Variants in CGGBP1 observed in about 807,000 individuals in gnomAD.
CGGBP1 encodes CGG triplet repeat binding protein 1, also known as CGG triplet repeat-binding protein 1.
CGGBP1 carries 4 observed loss-of-function variants against 11.4 expected under a neutral mutation model. The observed-to-expected ratio is 0.35, with a 90% CI of 0.17 to 0.80. CGGBP1 has a LOEUF of 0.80. CGGBP1 is among the 30% of genes least tolerant of loss of function. The probability of loss-of-function intolerance (pLI) is 0.52; values close to 1 mark genes in which losing one functional copy is unlikely to be tolerated. For missense variants in CGGBP1, 135 were observed against 202.1 expected (o/e 0.67, Z 2.01); for synonymous variants, 76 against 74.1 (o/e 1.03, Z -0.13).
chr3:88,062,170 T>C (rs770261714), upstream of CGGBP1, among the ~76,000 whole-genome samples: 85 of 152,334 alleles, frequency 5.6e-4, no homozygotes, highest in Non-Finnish European at 1.1e-3. Context: ...TAACTGATAC[T>C]TAATTTGCTT....
rs549124663 is a variant in CGGBP1 at position 88,066,980 on chromosome 3, GTTGAATTGT to G, written c.-228-8766_-228-8758del. Among the ~76,000 whole-genome samples the G allele has an allele frequency of 8.3e-3, 1,259 of 152,280 alleles. 10 individuals are homozygous for G. The highest frequency in any genetic ancestry group is 0.029 in the African/African-American group (1,218 of 41,552). ...TATGGCAAACTAAATTTGGGAGGAG[GTTGAATTGT>G]ATAATTTATGAAATCCTAAAGTCTA... is the stretch of plus-strand genomic sequence containing the variant. On this transcript the variant is annotated intron_variant, in intron 2 of 3. Coordinates refer to the CGGBP1 transcript ENST00000462901.
intron 2 of CGGBP1, among the ~76,000 whole-genome samples, chr3:88,066,646 G>A (rs1219515940): frequency 6.6e-6 from 1 of 151,726 alleles, no homozygotes; most frequent in African/African-American, 2.4e-5. Context: ...ATATTTAAAT[G>A]GAGTCATTGC....
chr3:88,126,282 A>T (rs1706092170), intron 2 of CGGBP1: 14 of 1,463,180 alleles, frequency 9.6e-6, no homozygotes, highest in Non-Finnish European at 1.2e-5. Context: ...ACTTCAGGAG[A>T]TTCAAAATCA....
chr3:88,073,973 A>G (rs1448256617), intron 2 of CGGBP1, among the ~76,000 whole-genome samples: 1 of 152,124 alleles, frequency 6.6e-6, no homozygotes, highest in Non-Finnish European at 1.5e-5. Flanking sequence ...TGAGAAAGCT[A>G]ATTAACCTGT....
rs547051642 is a variant in CGGBP1, at chr3:88,124,268, C to A, written c.-229+16702G>T. On this transcript the variant is annotated intron_variant, in intron 2 of 3. Transcript: ENST00000462901. ...AGTAGGTGTTTTAGTATCCATTTTA[C>A]AGAGGAATTGACTGATAGAGCAGAG... Among the ~76,000 whole-genome samples, 14 of 152,302 alleles carry A rather than the reference C, an allele frequency of 9.2e-5. No homozygotes were observed. The East Asian group carries it at 2.7e-3, about 29-fold the overall frequency.
At chr3:88,139,642 T>C (rs1281000520) in intron 2 of CGGBP1, 5 of 1,612,736 alleles carry the variant, frequency 3.1e-6, no homozygotes, top group Non-Finnish European at 4.2e-6. Flanking sequence ...CCTGAGCATG[T>C]GGCTGAATTC....
chr3:88,053,229 T>C lies in CGGBP1; in HGVS notation c.*2244A>G, dbSNP rs1374642908. ...CAGTTCGAGCAGGCTAAAACAATCA[T>C]TCTGCTGTATTTATTTAACTTTAGA... On this transcript the variant is annotated 3_prime_UTR_variant, in exon 4 of 4. Coordinates refer to ENST00000482016, the MANE Select transcript of CGGBP1 (RefSeq NM_001008390.2). 3 of 152,140 alleles carry C rather than the reference T, an allele frequency of 2.0e-5. No homozygotes were observed. In the East Asian group the frequency reaches 5.8e-4, roughly 29 times the overall value. 9.4% of individuals were successfully genotyped at this position (152,140 alleles called of 1,614,324 possible). A position where few individuals can be genotyped will look rare whatever the true frequency, so the allele number is the denominator to read the frequency against.
intron 1 of CGGBP1, among the ~76,000 whole-genome samples, chr3:88,147,150 C>G (rs556786418): frequency 9.2e-5 from 14 of 152,274 alleles, no homozygotes; most frequent in South Asian, 2.1e-4. Flanking sequence ...CAATGAAAGA[C>G]AAAAATCCTG....
In CGGBP1 at chr3:88,100,855, A is replaced by C. The variant is rs140510164; in HGVS notation, c.-229+40115T>G. Among the ~76,000 whole-genome samples, 406 of 152,336 alleles carry C rather than the reference A, an allele frequency of 2.7e-3. 2 individuals carry two copies. The highest frequency in any genetic ancestry group is 8.5e-3 in the African/African-American group (354 of 41,574). ...GGGATAGCATCAGGAGATATACCTAATGTAAATGACAAGTTAATGTGTGCA... is the reference window on the plus strand; with the variant it reads ...GGGATAGCATCAGGAGATATACCTACTGTAAATGACAAGTTAATGTGTGCA... On this transcript the variant is annotated intron_variant, in intron 2 of 3. Coordinates refer to the CGGBP1 transcript ENST00000462901.
Position 88,084,063 on chromosome 3 carries a change from C to T in CGGBP1, c.-228-25840G>A, listed in dbSNP as rs532420464. On this transcript the variant is annotated intron_variant, in intron 2 of 3. Coordinates refer to the CGGBP1 transcript ENST00000462901. ...ACAATGTAAAACGGTATCTAAATTT[C>T]AGTTGATTTTGTTTATGTCCCTTTC... is the stretch of plus-strand genomic sequence containing the variant. Among the ~76,000 whole-genome samples, 212 of 152,098 alleles carry T rather than the reference C, an allele frequency of 1.4e-3. 2 individuals carry two copies. The highest frequency in any genetic ancestry group is 4.9e-3 in the African/African-American group (204 of 41,474).
intron 2 of CGGBP1, among the ~76,000 whole-genome samples, chr3:88,122,714 A>G (rs1464032173): frequency 6.6e-6 from 1 of 152,094 alleles, no homozygotes; most frequent in African/African-American, 2.4e-5. Context: ...ATTCTAGAAA[A>G]ATACAATATG....
upstream of CGGBP1, chr3:88,059,647 C>T (rs1457875421): frequency 5.0e-5 from 64 of 1,273,534 alleles, no homozygotes; most frequent in Non-Finnish European, 6.4e-5. Context: ...GCTCCCTCCT[C>T]CACTTATCCG....
intron 2 of CGGBP1, among the ~76,000 whole-genome samples, chr3:88,088,223 C>A (rs1708438053): frequency 6.6e-6 from 1 of 152,116 alleles, no homozygotes; most frequent in Admixed American, 6.5e-5. Context: ...CAAGAAACTC[C>A]AGACTCATGC....
chr3:88,133,076 A>G (rs1235427513), intron 2 of CGGBP1, among the ~76,000 whole-genome samples: 5 of 152,176 alleles, frequency 3.3e-5, no homozygotes, highest in East Asian at 1.9e-4. Context: ...AGGAACATCA[A>G]CAAACCCCAA....
intron 2 of CGGBP1, among the ~76,000 whole-genome samples, chr3:88,094,044 G>GA (rs1163417016): frequency 2.0e-5 from 3 of 151,610 alleles, no homozygotes; most frequent in African/African-American, 7.3e-5. Flanking sequence ...TCATTTGAGA[G>GA]AAAAATCTAG....
intron 2 of CGGBP1, among the ~76,000 whole-genome samples, chr3:88,119,170 T>C (rs1388879045): frequency 6.8e-6 from 1 of 146,344 alleles, no homozygotes; most frequent in East Asian, 2.0e-4. Flanking sequence ...ATTAAGAAAA[T>C]GTGGCACATA....
chr3:88,134,185 ACTC>A (rs1187611660), intron 2 of CGGBP1, among the ~76,000 whole-genome samples: 1 of 151,650 alleles, frequency 6.6e-6, no homozygotes, highest in Non-Finnish European at 1.5e-5. Flanking sequence ...TGGTTTTACT[ACTC>A]ATATGTTGCT....
intron 2 of CGGBP1, among the ~76,000 whole-genome samples, chr3:88,110,923 T>G (rs1169111090): frequency 6.6e-6 from 1 of 152,138 alleles, no homozygotes; most frequent in Non-Finnish European, 1.5e-5. Flanking sequence ...TTTTCTCTTT[T>G]TAATATCATT....
At position 88,052,146 on chromosome 3, in the gene CGGBP1, A is replaced by G. The variant is rs542826030; in HGVS notation, c.*3327T>C. ...TACAAAAATGAAATAGTAAAATTTTAATACAGTATTCTGAATACAAGTAGA... is the reference window on the plus strand; with the variant it reads ...TACAAAAATGAAATAGTAAAATTTTGATACAGTATTCTGAATACAAGTAGA... On this transcript the variant is annotated 3_prime_UTR_variant, in exon 4 of 4. Transcript: ENST00000482016. The G allele has an allele frequency of 6.5e-6, 1 of 152,790 alleles. No individual in the cohort carries two copies. Among genetic ancestry groups the G allele is most frequent in the African/African-American group, 2.4e-5 (1 of 41,598 alleles). The allele number at this position is 152,790 out of a possible 1,614,324, so 9.5% of individuals were successfully genotyped here.
Sources: allele counts gnomAD v4.1 joint callset (sites outside exome capture counted in the v4.1 genomes callset), GRCh38; gene constraint gnomAD v4.1.1; transcripts MANE v1.5; gene names NCBI Gene and HGNC (gene_info 2026-07-23, HGNC 2026-07-21).